Variants in ROBO2 observed in about 807,000 individuals in gnomAD.
The protein encoded by ROBO2 is roundabout guidance receptor 2.
A neutral mutation model predicts 160.8 loss-of-function variants in ROBO2; 53 were observed. That is an observed-to-expected ratio of 0.33 (90% CI 0.26 to 0.41). The LOEUF (loss-of-function observed/expected upper bound fraction) is 0.41. ROBO2 is among the 10% of genes least tolerant of loss of function. The probability of loss-of-function intolerance (pLI) is 1.00; values close to 1 mark genes in which losing one functional copy is unlikely to be tolerated. For synonymous variants in ROBO2, 664 were observed against 611.7 expected, an observed-to-expected ratio of 1.09 and a Z score of -1.26; for missense variants, 1,577 against 1,722.4, an observed-to-expected ratio of 0.92 and a Z score of 1.49.
At chr3:76,141,151 CTCTCTCTCTATATATATATATATA>C (rs1385655741) in intron 2 of ROBO2, among the ~76,000 whole-genome samples, 2 of 44,266 alleles carry the variant, frequency 4.5e-5, no homozygotes, top group African/African-American at 2.1e-4. Context: ...CTCTCTCTCT[CTCTCTCTCTATATATATATATATA>C]TATATATATA....
chr3:75,983,030 T>A (rs767132175), intron 2 of ROBO2, among the ~76,000 whole-genome samples: 1 of 151,518 alleles, frequency 6.6e-6, no homozygotes, highest in African/African-American at 2.4e-5. Flanking sequence ...GCAGTAGAAA[T>A]GCAGTTGAGT....
chr3:76,748,433 G>A (rs905120902), intron 2 of ROBO2, among the ~76,000 whole-genome samples: 21 of 151,508 alleles, frequency 1.4e-4, no homozygotes, highest in African/African-American at 5.1e-4. Context: ...ATATAAAAAT[G>A]CATATTGAAA....
chr3:76,335,257 C>T (rs1473823432), intron 2 of ROBO2, among the ~76,000 whole-genome samples: 3 of 145,610 alleles, frequency 2.1e-5, no homozygotes, highest in Non-Finnish European at 4.5e-5. Flanking sequence ...TCTCTGCTCA[C>T]GGCAACCTCC....
At chr3:76,631,330 C>T (rs2090015678) in intron 2 of ROBO2, among the ~76,000 whole-genome samples, 1 of 151,974 alleles carries the variant, frequency 6.6e-6, no homozygotes, top group Admixed American at 6.6e-5. Flanking sequence ...AAAATCTTGT[C>T]ATCTTTTGTT....
intron 2 of ROBO2, among the ~76,000 whole-genome samples, chr3:76,014,545 G>A (rs62267212): frequency 0.01 from 120 of 11,648 alleles, no homozygotes; most frequent in South Asian, 0.023. Context: ...ACGATGGCTT[G>A]TGCGTGTAAT....
chr3:76,388,063 TAGG>T (rs1230843347), intron 2 of ROBO2, among the ~76,000 whole-genome samples: 1 of 152,140 alleles, frequency 6.6e-6, no homozygotes, highest in African/African-American at 2.4e-5. Flanking sequence ...TACTGTGGAT[TAGG>T]AGAACTCTTT....
At chr3:76,917,622 C>T (rs1224119312) in intron 2 of ROBO2, among the ~76,000 whole-genome samples, 1 of 152,098 alleles carries the variant, frequency 6.6e-6, no homozygotes, top group African/African-American at 2.4e-5. Flanking sequence ...TTTGCTTATT[C>T]ACCAGCTGTG....
intron 5 of ROBO2, among the ~76,000 whole-genome samples, chr3:77,516,990 T>C (rs562008429): frequency 6.6e-6 from 1 of 151,648 alleles, no homozygotes; most frequent in Admixed American, 6.6e-5. Context: ...ACTTGGGCTA[T>C]ACAGTTTAAA....
intron 2 of ROBO2, among the ~76,000 whole-genome samples, chr3:76,098,719 A>G (rs1576849111): frequency 6.6e-6 from 1 of 152,184 alleles, no homozygotes; most frequent in Non-Finnish European, 1.5e-5. Context: ...CAAAGTAAAC[A>G]TTATGGTGTA....
At chr3:77,145,645 T>A (rs927828074) in intron 2 of ROBO2, among the ~76,000 whole-genome samples, 9 of 151,930 alleles carry the variant, frequency 5.9e-5, no homozygotes, top group Non-Finnish European at 1.3e-4. Flanking sequence ...TTTATCATCA[T>A]TTTTTTTGCC....
chr3:76,045,251 C>G (rs996777187), intron 2 of ROBO2, among the ~76,000 whole-genome samples: 1 of 152,036 alleles, frequency 6.6e-6, no homozygotes, highest in African/African-American at 2.4e-5. Flanking sequence ...AATTCTTTTA[C>G]ACCTTTTCAG....
At chr3:77,107,966 A>C (rs2073035296) in intron 2 of ROBO2, among the ~76,000 whole-genome samples, 1 of 152,152 alleles carries the variant, frequency 6.6e-6, no homozygotes, top group Non-Finnish European at 1.5e-5. Flanking sequence ...TTGCTTATTC[A>C]AATTGAACAA....
intron 2 of ROBO2, among the ~76,000 whole-genome samples, chr3:75,946,807 A>C (rs1382195635): frequency 6.6e-6 from 1 of 152,216 alleles, no homozygotes; most frequent in Non-Finnish European, 1.5e-5. Flanking sequence ...TCAGGGACCA[A>C]ATTTAGATCT....
chr3:76,939,582 C>A (rs976212510), intron 2 of ROBO2, among the ~76,000 whole-genome samples: 1 of 152,058 alleles, frequency 6.6e-6, no homozygotes, highest in Non-Finnish European at 1.5e-5. Flanking sequence ...AGTTCGAGAC[C>A]AGCCTGGACA....
intron 1 of ROBO2, among the ~76,000 whole-genome samples, chr3:77,075,499 A>G (rs779292733): frequency 1.4e-4 from 22 of 152,080 alleles, no homozygotes; most frequent in Admixed American, 1.0e-3. Flanking sequence ...AGTAATCACT[A>G]TGGCAGGGTT....
At chr3:77,433,799 A>G (rs1377190916) in intron 2 of ROBO2, among the ~76,000 whole-genome samples, 3 of 151,922 alleles carry the variant, frequency 2.0e-5, no homozygotes, top group African/African-American at 7.3e-5. Context: ...CAGTAAATAC[A>G]TCCACCATCC....
At chr3:77,358,648 A>ACG in intron 2 of ROBO2, among the ~76,000 whole-genome samples, 1 of 152,210 alleles carries the variant, frequency 6.6e-6, no homozygotes, top group Admixed American at 6.5e-5. Context: ...ACGTGCATCT[A>ACG]CGCAGGCCAT....
At chr3:76,447,214 A>G (rs1290957704) in intron 2 of ROBO2, among the ~76,000 whole-genome samples, 19 of 152,234 alleles carry the variant, frequency 1.2e-4, no homozygotes, top group Admixed American at 2.0e-4. Flanking sequence ...AAACAACCCC[A>G]TCAAAAAGCG....
intron 2 of ROBO2, among the ~76,000 whole-genome samples, chr3:77,458,537 A>G (rs1048915537): frequency 6.6e-6 from 1 of 152,082 alleles, no homozygotes; most frequent in African/African-American, 2.4e-5. Context: ...AGAAGAATGT[A>G]ACACTGATCA....
Sources: allele counts gnomAD v4.1 joint callset (sites outside exome capture counted in the v4.1 genomes callset), GRCh38; gene constraint gnomAD v4.1.1; transcripts MANE v1.5; gene names NCBI Gene and HGNC (gene_info 2026-07-23, HGNC 2026-07-21).